Variants in SLC30A7 observed in about 807,000 individuals in gnomAD.
The protein encoded by SLC30A7 is zinc transporter 7.
A neutral mutation model predicts 46.0 loss-of-function variants in SLC30A7; 35 were observed. That is an observed-to-expected ratio of 0.76 (90% CI 0.58 to 1.01). SLC30A7 has a LOEUF of 1.01. SLC30A7 is among the 50% of genes least tolerant of loss of function. The probability of loss-of-function intolerance (pLI) is 0.00; values close to 1 mark genes in which losing one functional copy is unlikely to be tolerated. For synonymous variants in SLC30A7, 147 were observed against 157.8 expected (o/e 0.93, Z 0.51); for missense variants, 464 against 451.1 (o/e 1.03, Z -0.26).
intron 8 of SLC30A7, among the ~76,000 whole-genome samples, chr1:100,948,486 C>T (rs558472948): frequency 2.6e-5 from 4 of 152,110 alleles, no homozygotes; most frequent in Non-Finnish European, 5.9e-5. Flanking sequence ...TTTTTTCCTG[C>T]ATTTCAACCT....
intron 7 of SLC30A7, among the ~76,000 whole-genome samples, chr1:100,920,407 T>C (rs1367822417): frequency 2.6e-5 from 4 of 152,084 alleles, no homozygotes; most frequent in Non-Finnish European, 5.9e-5. Flanking sequence ...AACCGAATAT[T>C]TATTCTATAA....
At chr1:100,916,872 T>C (rs893911472) in intron 6 of SLC30A7, among the ~76,000 whole-genome samples, 1 of 152,200 alleles carries the variant, frequency 6.6e-6, no homozygotes, top group African/African-American at 2.4e-5. Context: ...ATGTTTGTCG[T>C]TCTGTAACTC....
chr1:100,944,714 G>A (rs1310559208), intron 8 of SLC30A7, among the ~76,000 whole-genome samples: 1 of 140,370 alleles, frequency 7.1e-6, no homozygotes, highest in African/African-American at 2.7e-5. Flanking sequence ...ATCATTGATG[G>A]ACATTTGGGT....
chr1:100,993,828 G>C, the SLC30A7 span, among the ~76,000 whole-genome samples: 4 of 151,486 alleles, frequency 2.6e-5, no homozygotes, highest in South Asian at 6.3e-4. Context: ...TGCAACCTCT[G>C]CCTCCTGGGT....
chr1:100,917,098 T>C (rs1186666615), intron 6 of SLC30A7, among the ~76,000 whole-genome samples: 1 of 152,322 alleles, frequency 6.6e-6, no homozygotes, highest in East Asian at 1.9e-4. Flanking sequence ...GTCTCTAAAA[T>C]ATCCTGTATT....
the SLC30A7 span, among the ~76,000 whole-genome samples, chr1:100,994,297 AAC>A: frequency 6.6e-6 from 1 of 152,210 alleles, no homozygotes; most frequent in Non-Finnish European, 1.5e-5. Context: ...GTTTTCCAAT[AAC>A]AGAGTATCAT....
intron 9 of SLC30A7, among the ~76,000 whole-genome samples, chr1:100,963,862 T>C (rs1655689330): frequency 6.6e-6 from 1 of 152,112 alleles, no homozygotes; most frequent in African/African-American, 2.4e-5. Context: ...GTTATAGTAC[T>C]AAAGGACATT....
chr1:100,940,670 T>A lies in SLC30A7; in HGVS notation c.842+18829T>A, dbSNP rs1654284755. On this transcript the variant is annotated intron_variant, in intron 8 of 10. Coordinates refer to ENST00000357650, the MANE Select transcript of SLC30A7 (RefSeq NM_133496.5). ...ATTTAATGTGATTAATTAATTTATT[T>A]TTAAAGACACATTCAGTGTCATGAT... Among the ~76,000 whole-genome samples, 3 of 152,350 alleles carry A rather than the reference T, an allele frequency of 2.0e-5. No individual in the cohort carries two copies. The South Asian group carries it at 6.2e-4, about 32-fold the overall frequency.
intron 2 of SLC30A7, among the ~76,000 whole-genome samples, chr1:100,898,321 T>G (rs758154881): frequency 1.2e-4 from 19 of 152,208 alleles, no homozygotes; most frequent in Admixed American, 2.6e-4. Flanking sequence ...ACTCTTTTGA[T>G]CTGTAGAGAT....
chr1:100,964,483 A>C (rs1655762038), intron 9 of SLC30A7, among the ~76,000 whole-genome samples: 1 of 151,812 alleles, frequency 6.6e-6, no homozygotes, highest in African/African-American at 2.4e-5. Flanking sequence ...TTCCCTAGGT[A>C]AAATTGAGGC....
At chr1:100,951,466 A>G (rs1654947511) in intron 8 of SLC30A7, among the ~76,000 whole-genome samples, 1 of 152,222 alleles carries the variant, frequency 6.6e-6, no homozygotes, top group South Asian at 2.1e-4. Context: ...GTGAAAAAGG[A>G]GGCACTACCC....
intron 8 of SLC30A7, among the ~76,000 whole-genome samples, chr1:100,951,921 T>A (rs1016159036): frequency 7.9e-5 from 12 of 152,168 alleles, no homozygotes; most frequent in Non-Finnish European, 1.3e-4. Context: ...TTCTGTATTA[T>A]CCAAGTGGGC....
chr1:100,918,725 A>G (rs1486158365), intron 7 of SLC30A7, among the ~76,000 whole-genome samples: 2 of 152,304 alleles, frequency 1.3e-5, no homozygotes, highest in South Asian at 2.1e-4. Flanking sequence ...AGCCTATTTT[A>G]TAATAAAGTG....
At chr1:100,974,216 A>C (rs1278486461) in intron 10 of SLC30A7, among the ~76,000 whole-genome samples, 1 of 152,214 alleles carries the variant, frequency 6.6e-6, no homozygotes, top group African/African-American at 2.4e-5. Context: ...CATTGTACCC[A>C]AAAGATAATT....
intron 8 of SLC30A7, among the ~76,000 whole-genome samples, chr1:100,928,861 C>T (rs1653485486): frequency 6.6e-6 from 1 of 152,062 alleles, no homozygotes; most frequent in African/African-American, 2.4e-5. Flanking sequence ...GATTATTAAG[C>T]TTGGTCAGCA....
intron 8 of SLC30A7, among the ~76,000 whole-genome samples, chr1:100,956,591 GT>G (rs1413090309): frequency 6.6e-6 from 1 of 152,198 alleles, no homozygotes; most frequent in East Asian, 1.9e-4. Context: ...TTCACCATCT[GT>G]TACTGTGTTT....
intron 8 of SLC30A7, among the ~76,000 whole-genome samples, chr1:100,938,839 G>A (rs1654145515): frequency 6.6e-6 from 1 of 152,172 alleles, no homozygotes; most frequent in Non-Finnish European, 1.5e-5. Context: ...TAATGTCTCT[G>A]TCTCTCAATT....
At chr1:100,902,174 T>A (rs1651349345) in intron 2 of SLC30A7, among the ~76,000 whole-genome samples, 1 of 152,174 alleles carries the variant, frequency 6.6e-6, no homozygotes, top group Non-Finnish European at 1.5e-5. Context: ...AAAGATCTCA[T>A]ATTGCAGTGT....
intron 5 of SLC30A7, 151 bp from the exon 6 acceptor site, chr1:100,913,512 G>A: frequency 1.6e-6 from 1 of 633,626 alleles, no homozygotes; most frequent in Non-Finnish European, 2.8e-6. Flanking sequence ...ACTCAGGATT[G>A]TTTTAACAAA....
Sources: allele counts gnomAD v4.1 joint callset (sites outside exome capture counted in the v4.1 genomes callset), GRCh38; gene constraint gnomAD v4.1.1; transcripts MANE v1.5; gene names NCBI Gene and HGNC (gene_info 2026-07-23, HGNC 2026-07-21).